The following PRKD2 variants were observed in gnomAD, a reference collection of about 807,000 sequenced individuals.
PRKD2 encodes protein kinase D2.
A neutral mutation model predicts 86.0 loss-of-function variants in PRKD2; 22 were observed. The observed-to-expected ratio is 0.26, with a 90% CI of 0.18 to 0.37. The LOEUF (loss-of-function observed/expected upper bound fraction) is 0.37. Ranked by LOEUF, PRKD2 falls within the 10% of genes least tolerant of loss-of-function variation. The probability of loss-of-function intolerance (pLI) is 1.00; values close to 1 mark genes in which losing one functional copy is unlikely to be tolerated. For synonymous variants in PRKD2, 509 were observed against 510.9 expected, an observed-to-expected ratio of 1.00 and a Z score of 0.05; for missense variants, 818 against 1,199.2, an observed-to-expected ratio of 0.68 and a Z score of 4.70.
At position 46,693,459 on chromosome 19, in the gene PRKD2, G is replaced by C. The variant is rs2053511271; in HGVS notation, c.1576+416C>G. On this transcript the variant is annotated intron_variant, in intron 10 of 17. Transcript: ENST00000291281. This position sits in a 1 kb window ranked among gnomAD's most constrained non-coding sequence, Gnocchi z 4.5. The stretch of plus-strand genomic sequence containing the variant: ...GATTTTTGTTGTTGTTGTTTTTTCT[G>C]TTTTGGAGACAGAGTCTTGCTCTGT... Among the ~76,000 whole-genome samples the C allele has an allele frequency of 6.6e-6, 1 of 152,036 alleles. No homozygotes were observed. Among genetic ancestry groups the C allele is most frequent in the Non-Finnish European group, 1.5e-5 (1 of 68,012 alleles).
chr19:46,704,326 T>C lies in PRKD2; in HGVS notation c.732A>G (p.Ser244=). ...PPSSSSSSSA[S]SYTGRPIELD... Reference sequence around the variant, plus strand: ...GCTCAATGGGGCGGCCCGTATACGATGAGGCAGAAGAGGAGGAAGAGGATG... The same window carrying C: ...GCTCAATGGGGCGGCCCGTATACGACGAGGCAGAAGAGGAGGAAGAGGATG... Residue 244 remains serine, a synonymous_variant, in exon 5 of 18, where the codon TCA becomes TCG. Coordinates refer to ENST00000291281, the MANE Select transcript of PRKD2 (RefSeq NM_016457.5). The C allele has an allele frequency of 6.2e-7, 1 of 1,614,192 alleles. No homozygotes were observed. The highest frequency in any genetic ancestry group is 8.5e-7 in the Non-Finnish European group (1 of 1,180,032).
At chr19:46,675,851 C>T (rs2053193330) in intron 16 of PRKD2, among the ~76,000 whole-genome samples, 1 of 152,010 alleles carries the variant, frequency 6.6e-6, no homozygotes, top group South Asian at 2.1e-4. Flanking sequence ...CTGAAGCCTC[C>T]ACCTCCCCAG....
At chr19:46,714,959 C>G (rs1020742294) in intron 1 of PRKD2, among the ~76,000 whole-genome samples, 1 of 152,264 alleles carries the variant, frequency 6.6e-6, no homozygotes, top group East Asian at 1.9e-4. Context: ...CTTCAGTTTC[C>G]TTGTCTGTAG....
chr19:46,679,348 A>T (rs557391370), intron 15 of PRKD2, among the ~76,000 whole-genome samples: 1 of 152,200 alleles, frequency 6.6e-6, no homozygotes, highest in African/African-American at 2.4e-5. Flanking sequence ...AACAAAAAAA[A>T]CATGAAACAT....
intron 16 of PRKD2, among the ~76,000 whole-genome samples, chr19:46,676,729 G>C (rs116830633): frequency 6.6e-6 from 1 of 152,240 alleles, no homozygotes; most frequent in African/African-American, 2.4e-5. Flanking sequence ...GTGCACACTC[G>C]ATGCACTTTT....
At chr19:46,686,373 G>A (rs2053397138) in intron 14 of PRKD2, among the ~76,000 whole-genome samples, 1 of 151,672 alleles carries the variant, frequency 6.6e-6, no homozygotes, top group African/African-American at 2.4e-5. Flanking sequence ...AATGGCTCAT[G>A]CCTGTGGTTC....
intron 16 of PRKD2, chr19:46,677,060 C>CA (rs11397034): frequency 0.71 from 89,897 of 127,354 alleles, 31,204 homozygotes; most frequent in South Asian, 0.75. Context: ...GACCCCACCT[C>CA]AAAAAAAAAA....
At chr19:46,699,651 C>T (rs531664971) in intron 7 of PRKD2, among the ~76,000 whole-genome samples, 1 of 152,244 alleles carries the variant, frequency 6.6e-6, no homozygotes, top group East Asian at 1.9e-4. Flanking sequence ...AACATTCACG[C>T]CACACCCAGA....
intron 8 of PRKD2, among the ~76,000 whole-genome samples, chr19:46,697,502 C>G (rs2053577881): frequency 6.6e-6 from 1 of 151,028 alleles, no homozygotes. Context: ...CTAACTCTAG[C>G]CCCGCCCCTG....
Position 46,693,241 on chromosome 19 carries a change from C to T in PRKD2, c.1576+634G>A, listed in dbSNP as rs1269855119. Among the ~76,000 whole-genome samples, 1 of 151,924 alleles carries T rather than the reference C, an allele frequency of 6.6e-6. No individual in the cohort carries two copies. The highest frequency in any genetic ancestry group is 1.9e-4 in the East Asian group (1 of 5,172). ...CTCTGAAGATGGGTATTCTGCCCTA[C>T]TGGACTCTGAGCCCCATGAGGGCAG... On this transcript the variant is annotated intron_variant, in intron 10 of 17. Coordinates refer to ENST00000291281, the MANE Select transcript of PRKD2 (RefSeq NM_016457.5). This position sits in a 1 kb window ranked among gnomAD's most constrained non-coding sequence, Gnocchi z 4.5.
At chr19:46,698,696 C>T (rs975054191) in intron 7 of PRKD2, among the ~76,000 whole-genome samples, 7 of 152,196 alleles carry the variant, frequency 4.6e-5, no homozygotes, top group Admixed American at 2.6e-4. Context: ...TGGCTCATGC[C>T]TGTAATCCCA....
chr19:46,680,946 A>ATATATATATATATATATTTTTTTTTT, intron 15 of PRKD2, among the ~76,000 whole-genome samples: 2 of 48,232 alleles, frequency 4.1e-5, no homozygotes, highest in Non-Finnish European at 8.1e-5. Flanking sequence ...ATATATATAT[A>ATATATATATATATATATTTTTTTTTT]TTTTTTTTTT....
At chr19:46,705,062 T>A (rs1267231469) in intron 3 of PRKD2, among the ~76,000 whole-genome samples, 3 of 149,462 alleles carry the variant, frequency 2.0e-5, no homozygotes, top group Non-Finnish European at 4.4e-5. Context: ...AAGGGATACC[T>A]CAAAGGTTCC....
At position 46,678,582 on chromosome 19, in the gene PRKD2, G is replaced by A; in HGVS notation, c.2152C>T (p.Leu718=). 6.2e-7 allele frequency: 1 copy of A among 1,613,930 alleles called. No individual in the cohort carries two copies. The highest frequency in any genetic ancestry group is 8.5e-7 in the Non-Finnish European group (1 of 1,180,040). ...RRSVVGTPAY[L]APEVLLNQGY... ...TGGTTGAGCAGCACCTCGGGTGCCA[G>A]GTAGGCCGGCGTGCCCACCACTGAG... The change falls in exon 16 of 18, where the codon CTG becomes TTG. Residue 718 remains leucine, a synonymous_variant. Transcript: ENST00000291281. This position sits in a 1 kb window ranked among gnomAD's most constrained non-coding sequence, Gnocchi z 5.7.
chr19:46,696,105 C>T (rs2053553361), intron 9 of PRKD2, among the ~76,000 whole-genome samples: 1 of 152,184 alleles, frequency 6.6e-6, no homozygotes, highest in South Asian at 2.1e-4. Flanking sequence ...TCTGAAAGCG[C>T]TGGGATTACA....
At position 46,701,019 on chromosome 19, in the gene PRKD2, C is replaced by T. The variant is rs746105795; in HGVS notation, c.967+16G>A. The T allele has an allele frequency of 8.1e-6, 13 of 1,613,986 alleles. No individual in the cohort carries two copies. Among genetic ancestry groups the T allele is most frequent in the South Asian group, 4.4e-5 (4 of 91,092 alleles). ...GCCCCTTCCCCTTTCTCCCCAGCAT[C>T]CCCCCAGCCTCTCACCTCCATTGAT... On this transcript the variant is annotated intron_variant, in intron 6 of 17. Coordinates refer to ENST00000291281, the MANE Select transcript of PRKD2 (RefSeq NM_016457.5).
At chr19:46,685,226 T>A (rs1297408327) in intron 14 of PRKD2, among the ~76,000 whole-genome samples, 1 of 136,146 alleles carries the variant, frequency 7.3e-6, no homozygotes, top group Non-Finnish European at 1.5e-5. Context: ...ACTATTGCAC[T>A]CCAGCCTGGG....
rs1189440810 is a variant in PRKD2, at chr19:46,683,097, C to T, written c.1972-1349G>A. ...CAAACTCCTGGGGTTAAGTGATCCT[C>T]CAGCCTCAGTCTCCCAAATAGCTAG... On this transcript the variant is annotated intron_variant, in intron 14 of 17. Transcript: ENST00000291281. 5.3e-5 allele frequency among the ~76,000 whole-genome samples: 8 copies of T among 151,984 alleles called. No individual in the cohort carries two copies. In the South Asian group the frequency reaches 1.0e-3, roughly 20 times the overall value.
At chr19:46,712,975 C>T (rs755062763) in intron 2 of PRKD2, among the ~76,000 whole-genome samples, 8 of 151,978 alleles carry the variant, frequency 5.3e-5, no homozygotes, top group Non-Finnish European at 8.8e-5. Flanking sequence ...TTAGCATTTT[C>T]GTGGCAGGAG....
Sources: allele counts gnomAD v4.1 joint callset (sites outside exome capture counted in the v4.1 genomes callset), GRCh38; gene constraint gnomAD v4.1.1; non-coding constraint Gnocchi (gnomAD v3.1); transcripts MANE v1.5; gene names NCBI Gene and HGNC (gene_info 2026-07-23, HGNC 2026-07-21).